Variants in HECTD4 observed in about 807,000 individuals in gnomAD.
HECTD4 encodes probable E3 ubiquitin-protein ligase HECTD4.
Under a neutral mutation model 471.5 loss-of-function variants are expected in HECTD4, and 114 were observed. The observed-to-expected ratio is 0.24, with a 90% CI of 0.21 to 0.28. The LOEUF is 0.28. Among genes scored for constraint, HECTD4 ranks in the 10% least tolerant of loss-of-function variants. The pLI is 1.00. For synonymous variants in HECTD4, 2,012 were observed against 2,256.0 expected (o/e 0.89, Z 3.07); for missense variants, 3,866 against 5,651.5 (o/e 0.68, Z 10.13).
intron 1 of HECTD4, among the ~76,000 whole-genome samples, chr12:112,336,088 A>T (rs2035952477): frequency 6.6e-6 from 1 of 152,212 alleles, no homozygotes; most frequent in Non-Finnish European, 1.5e-5. Context: ...GAAAATAGTG[A>T]ACAAAGAAAA....
chr12:112,217,336 TACACACACACACAC>T (rs71956504), intron 45 of HECTD4, 141 bp from the exon 46 acceptor site: 2 of 409,520 alleles, frequency 4.9e-6, no homozygotes, highest in Non-Finnish European at 8.7e-6. Flanking sequence ...CACACACACA[TACACACACACACAC>T]ACACACAATT....
At position 112,208,647 on chromosome 12, in the gene HECTD4, G is replaced by C. The variant is rs2032665973; in HGVS notation, c.7868-17C>G. On this transcript the variant is annotated splice_polypyrimidine_tract_variant and intron_variant, in intron 50 of 75. Coordinates refer to ENST00000682272, the MANE Select transcript of HECTD4 (RefSeq NM_001388303.1). ...TATCATATTCTGTAACAGAGCACAA[G>C]GACAGCGAATTCTAAACAAGAGCAG... 1 of 1,529,278 alleles carries C rather than the reference G, an allele frequency of 6.5e-7. No individual in the cohort carries two copies. The allele number at this position is 1,529,278 out of a possible 1,614,324, so 94.7% of individuals were successfully genotyped here. A position where few individuals can be genotyped will look rare whatever the true frequency, so the allele number is the denominator to read the frequency against.
At chr12:112,380,558 T>C (rs528381371) in intron 1 of HECTD4, among the ~76,000 whole-genome samples, 2 of 152,060 alleles carry the variant, frequency 1.3e-5, no homozygotes, top group East Asian at 3.9e-4. Flanking sequence ...CCCCTTGAGT[T>C]TTCAGGCAGA....
At chr12:112,181,066 C>T (rs558483178) in intron 62 of HECTD4, among the ~76,000 whole-genome samples, 14 of 151,418 alleles carry the variant, frequency 9.2e-5, no homozygotes, top group Non-Finnish European at 1.3e-4. Flanking sequence ...GTCAGGAGTT[C>T]GAGTCCAGCC....
intron 7 of HECTD4, among the ~76,000 whole-genome samples, chr12:112,288,086 TG>T (rs1324811989): frequency 1.3e-5 from 2 of 151,872 alleles, no homozygotes; most frequent in East Asian, 3.9e-4. Context: ...CCCAGCACTT[TG>T]GGAGGCTGAA....
Position 112,163,755 on chromosome 12 carries a change from A to G in HECTD4, c.12702-18T>C, listed in dbSNP as rs1002570093. 30 of 1,446,592 alleles carry G rather than the reference A, an allele frequency of 2.1e-5. No individual in the cohort carries two copies. The highest frequency in any genetic ancestry group is 2.6e-5 in the Non-Finnish European group (29 of 1,095,082). The allele number at this position is 1,446,592 out of a possible 1,614,324, so 89.6% of individuals were successfully genotyped here. A position where few individuals can be genotyped will look rare whatever the true frequency, so the allele number is the denominator to read the frequency against. On this transcript the variant is annotated intron_variant, in intron 73 of 75. Transcript: ENST00000682272. The surrounding 1 kb of genome is among the most constrained non-coding windows in gnomAD (Gnocchi z 8.2). ...TCTCCCACCTGCCCGGGTGAGGAGC[A>G]CAGGTGAGGGAGAACACCGCCGAAG...
At chr12:112,181,611 C>T (rs779582298) in intron 62 of HECTD4, among the ~76,000 whole-genome samples, 9 of 152,224 alleles carry the variant, frequency 5.9e-5, no homozygotes, top group African/African-American at 9.6e-5. Context: ...TACAGGCATA[C>T]GCCACCACGC....
chr12:112,351,802 A>T (rs746580468), intron 1 of HECTD4, among the ~76,000 whole-genome samples: 3 of 152,264 alleles, frequency 2.0e-5, no homozygotes, highest in Non-Finnish European at 2.9e-5. Context: ...GTAGTAACAT[A>T]GCCTAATAGA....
At chr12:112,275,887 C>T (rs1247528166) in intron 9 of HECTD4, among the ~76,000 whole-genome samples, 3 of 152,086 alleles carry the variant, frequency 2.0e-5, no homozygotes, top group African/African-American at 7.2e-5. Context: ...CATACATATG[C>T]TTTCTCCCCA....
chr12:112,255,448 T>C (rs1002106700), intron 21 of HECTD4, among the ~76,000 whole-genome samples: 7 of 152,184 alleles, frequency 4.6e-5, no homozygotes, highest in Non-Finnish European at 7.3e-5. Context: ...TTCTATAACT[T>C]GCCCAGAAAT....
chr12:112,249,369 A>AG (rs1491325953), intron 25 of HECTD4, among the ~76,000 whole-genome samples: 2 of 151,674 alleles, frequency 1.3e-5, no homozygotes, highest in Non-Finnish European at 2.9e-5. Flanking sequence ...AAAAAAAAAA[A>AG]GAGACTTCAT....
chr12:112,249,010 T>A (rs1013815787), intron 25 of HECTD4, among the ~76,000 whole-genome samples: 1 of 152,208 alleles, frequency 6.6e-6, no homozygotes, highest in Non-Finnish European at 1.5e-5. Flanking sequence ...GTCGGAGTCT[T>A]ACGTTGGCAA....
At chr12:112,202,925 A>G (rs1371625109) in intron 54 of HECTD4, 1 of 152,160 alleles carries the variant, frequency 6.6e-6, no homozygotes, top group Admixed American at 6.5e-5. Context: ...CAGTGAGATG[A>G]TGTGATCAAA....
At chr12:112,347,010 C>T (rs532066214) in intron 1 of HECTD4, among the ~76,000 whole-genome samples, 34 of 152,282 alleles carry the variant, frequency 2.2e-4, no homozygotes, top group Middle Eastern at 3.4e-3. Context: ...AACCTCTGCA[C>T]ATCAAACAAA....
intron 1 of HECTD4, among the ~76,000 whole-genome samples, chr12:112,333,116 T>C (rs1420170895): frequency 6.6e-6 from 1 of 152,228 alleles, no homozygotes; most frequent in Non-Finnish European, 1.5e-5. Flanking sequence ...TTGATGGACA[T>C]TTTAATTGTT....
intron 1 of HECTD4, among the ~76,000 whole-genome samples, chr12:112,324,809 C>A (rs1254656985): frequency 6.6e-6 from 1 of 152,124 alleles, no homozygotes; most frequent in Admixed American, 6.5e-5. Flanking sequence ...TCATAAACAT[C>A]TAAACAAATA....
chr12:112,233,873 A>T (rs118073688), intron 37 of HECTD4, among the ~76,000 whole-genome samples: 2,696 of 152,220 alleles, frequency 0.018, 41 homozygotes, highest in Non-Finnish European at 0.027. Flanking sequence ...TGTGAAGAAC[A>T]CCCTGTGTGT....
chr12:112,253,654 A>G (rs938890427), intron 22 of HECTD4, among the ~76,000 whole-genome samples: 1 of 152,202 alleles, frequency 6.6e-6, no homozygotes, highest in Non-Finnish European at 1.5e-5. Flanking sequence ...TTTTTGCTCC[A>G]AAGGCCCAAA....
At position 112,193,303 on chromosome 12, in the gene HECTD4, G is replaced by T. The variant is rs2032143237; in HGVS notation, c.8956-112C>A. ...AGCCAAACGACTAAATAGCCCTCTG[G>T]AAGGAAGCAAGCTACAGATGAGATA... On this transcript the variant is annotated intron_variant, in intron 57 of 75. Coordinates refer to ENST00000682272, the MANE Select transcript of HECTD4 (RefSeq NM_001388303.1). This position sits in a 1 kb window ranked among gnomAD's most constrained non-coding sequence, Gnocchi z 5.2. 1.4e-6 allele frequency: 2 copies of T among 1,416,474 alleles called. No individual in the cohort carries two copies. Among genetic ancestry groups the T allele is most frequent in the African/African-American group, 1.4e-5 (1 of 69,898 alleles). 87.7% of individuals were successfully genotyped at this position (1,416,474 alleles called of 1,614,324 possible).
Sources: allele counts gnomAD v4.1 joint callset (sites outside exome capture counted in the v4.1 genomes callset), GRCh38; gene constraint gnomAD v4.1.1; non-coding constraint Gnocchi (gnomAD v3.1); transcripts MANE v1.5; gene names NCBI Gene and HGNC (gene_info 2026-07-23, HGNC 2026-07-21).